Variants in P2RY4 observed in about 807,000 individuals in gnomAD.
P2RY4 encodes the protein pyrimidinergic receptor P2Y4.
For synonymous variants in P2RY4, 121 were observed against 131.6 expected (o/e 0.92, Z 0.55); for missense variants, 291 against 308.5 (o/e 0.94, Z 0.42).
Position 70,258,635 on chromosome X carries a change from C to A in P2RY4, c.990G>T (p.Thr330=). The A allele has an allele frequency of 8.2e-7, 1 of 1,212,130 alleles. No individual in the cohort carries two copies. Among genetic ancestry groups the A allele is most frequent in the Non-Finnish European group, 1.1e-6 (1 of 895,560 alleles). ...LCGGGKPQPR[T]AASSLALVSL... is the part of the protein sequence containing the mutation. ...ACACTAGTGCCAGGGAAGAGGCAGC[C>A]GTGCGGGGCTGGGGCTTGCCACCAC... The change falls in exon 1 of 1, where the codon ACG becomes ACT. Residue 330 remains threonine (T), a synonymous_variant. Coordinates refer to ENST00000374519, the MANE Select transcript of P2RY4 (RefSeq NM_002565.4).
chrX:70,258,384 C>G lies in P2RY4; in HGVS notation c.*143G>C. Reference sequence around the variant, plus strand: ...AGAGATGAGGTCACCCATGATATCCCTGCCTCCCTGCAACCCTCAGGGTGA... The same window carrying G: ...AGAGATGAGGTCACCCATGATATCCGTGCCTCCCTGCAACCCTCAGGGTGA... On this transcript the variant is annotated 3_prime_UTR_variant, in exon 1 of 1. Transcript: ENST00000374519. The G allele has an allele frequency of 1.5e-6, 1 of 663,452 alleles. No homozygotes were observed. Among genetic ancestry groups the G allele is most frequent in the Non-Finnish European group, 2.3e-6 (1 of 434,865 alleles). 54.7% of individuals were successfully genotyped at this position (663,452 alleles called of 1,213,427 possible). A position where few individuals can be genotyped will look rare whatever the true frequency, so the allele number is the denominator to read the frequency against.
Position 70,259,017 on chromosome X carries a change from G to A in P2RY4, c.608C>T (p.Ala203Val), listed in dbSNP as rs775454229. The change falls in exon 1 of 1, where the codon GCG becomes GTG. Residue 203 changes from alanine to valine, a missense_variant. Physicochemically the swap from Ala to Val is moderately conservative, Grantham distance 64. Coordinates refer to ENST00000374519, the MANE Select transcript of P2RY4 (RefSeq NM_002565.4). ...EFDHYVHFSS[A>V]VMGLLFGVPC... ...CACGCCAAAGAGCAGCCCCATGACC[G>A]CCGAGCTGAAGTGCACATAGTGGTC... 8.3e-6 allele frequency: 10 copies of A among 1,210,066 alleles called. No homozygotes were observed. Among genetic ancestry groups the A allele is most frequent in the African/African-American group, 5.2e-5 (3 of 57,312 alleles).
In P2RY4 at chrX:70,259,097, G is replaced by C. The variant is rs139621730; in HGVS notation, c.528C>G (p.Thr176=). 3.8e-4 allele frequency: 462 copies of C among 1,210,090 alleles called. 2 individuals are homozygous for C. Among genetic ancestry groups the C allele is most frequent in the Non-Finnish European group, 4.9e-4 (441 of 895,115 alleles). The stretch of plus-strand genomic sequence containing the variant: ...ACAGGACGGTGGTCCCTTTGTTGCT[G>C]GTTGTGACAAAGAACAGGTTGGGCA... The part of the protein sequence containing the change: ...CLVPNLFFVT[T]SNKGTTVLCH... Residue 176 remains threonine, a synonymous_variant, in exon 1 of 1, where the codon ACC becomes ACG. Coordinates refer to ENST00000374519, the MANE Select transcript of P2RY4 (RefSeq NM_002565.4).
rs373491139 is a variant in P2RY4 at position 70,259,247 on chromosome X, G to C, written c.378C>G (p.Leu126=). ...GGTAGCGGTGCACGCTGATGCAGGT[G>C]AGGAAAAGGACACTGCAGTAGAGGT... ...YWNLYCSVLF[L]TCISVHRYLG... The change falls in exon 1 of 1, where the codon CTC becomes CTG. Residue 126 remains leucine, a synonymous_variant. Transcript: ENST00000374519. The C allele has an allele frequency of 4.4e-5, 53 of 1,211,300 alleles. No homozygotes were observed. The highest frequency in any genetic ancestry group is 5.1e-5 in the Non-Finnish European group (46 of 895,426).
rs746842365 is a variant in P2RY4, at chrX:70,258,995, G to A, written c.630C>T (p.Gly210=). 15 of 1,210,103 alleles carry A rather than the reference G, an allele frequency of 1.2e-5. No homozygotes were observed. Among genetic ancestry groups the A allele is most frequent in the African/African-American group, 1.7e-5 (1 of 57,388 alleles). The change falls in exon 1 of 1, where the codon GGC becomes GGT. Residue 210 remains glycine, a synonymous_variant. Coordinates refer to ENST00000374519, the MANE Select transcript of P2RY4 (RefSeq NM_002565.4). ...FSSAVMGLLF[G]VPCLVTLVCY... Reference sequence around the variant, plus strand: ...AAACAAGAGTGACCAGGCAGGGCACGCCAAAGAGCAGCCCCATGACCGCCG... The same window carrying A: ...AAACAAGAGTGACCAGGCAGGGCACACCAAAGAGCAGCCCCATGACCGCCG...
In P2RY4 at chrX:70,259,634, G is replaced by A. The variant is rs1461293329; in HGVS notation, c.-10C>T. 8.5e-7 allele frequency: 1 copy of A among 1,170,597 alleles called. No individual in the cohort carries two copies. Among genetic ancestry groups the A allele is most frequent in the African/African-American group, 1.8e-5 (1 of 56,988 alleles). On this transcript the variant is annotated 5_prime_UTR_variant, in exon 1 of 1. Transcript: ENST00000374519. ...ACTCTGTACTGGCCATGGCCCCCCT[G>A]GAGATGGGAAGGGGAGAAGTGAGGG...
In P2RY4 at chrX:70,259,444, T is replaced by G. The variant is rs138327932; in HGVS notation, c.181A>C (p.Ile61Leu). ...GLNAPTLWLF[I>L]FRLRPWDATA... ...GCATCCCAGGGTCGGAGGCGGAAGA[T>G]GAAGAGCCATAGGGTTGGGGCGTTA... Residue 61 changes from isoleucine (I) to leucine (L), a missense_variant, in exon 1 of 1, where the codon ATC becomes CTC. Physicochemically the swap from Ile to Leu is conservative, Grantham distance 5. Transcript: ENST00000374519. 8.3e-7 allele frequency: 1 copy of G among 1,211,260 alleles called. No homozygotes were observed. The highest frequency in any genetic ancestry group is 1.7e-5 in the African/African-American group (1 of 57,819).
chrX:70,259,248 A>G lies in P2RY4; in HGVS notation c.377T>C (p.Leu126Pro). 1.6e-6 allele frequency: 2 copies of G among 1,212,412 alleles called. No individual in the cohort carries two copies. The highest frequency in any genetic ancestry group is 2.2e-6 in the Non-Finnish European group (2 of 895,610). ...GTAGCGGTGCACGCTGATGCAGGTG[A>G]GGAAAAGGACACTGCAGTAGAGGTT... ...YWNLYCSVLFLTCISVHRYLG... is the reference protein window; with the variant it reads ...YWNLYCSVLFPTCISVHRYLG... The change falls in exon 1 of 1, where the codon CTC becomes CCC. Residue 126 changes from leucine (L) to proline (P), a missense_variant. Physicochemically the swap from Leu to Pro is moderately conservative, Grantham distance 98. Transcript: ENST00000374519.
Position 70,259,328 on chromosome X carries a change from G to T in P2RY4, c.297C>A (p.Asn99Lys). The change falls in exon 1 of 1, where the codon AAC becomes AAA. Residue 99 changes from asparagine to lysine, a missense_variant. Transcript: ENST00000374519. ...AGATCTCAGTGCCAAAGGGCCAGTG[G>T]TTGTGGGCTGCATAATAGTAGATGA... is the stretch of plus-strand genomic sequence containing the variant. ...PTLIYYYAAH[N>K]HWPFGTEICK... The T allele has an allele frequency of 8.3e-7, 1 of 1,212,091 alleles. No individual in the cohort carries two copies. Among genetic ancestry groups the T allele is most frequent in the Non-Finnish European group, 1.1e-6 (1 of 895,369 alleles).
In P2RY4 at chrX:70,258,833, G is replaced by A; in HGVS notation, c.792C>T (p.Thr264=). 8.3e-7 allele frequency: 1 copy of A among 1,211,580 alleles called. No individual in the cohort carries two copies. The highest frequency in any genetic ancestry group is 1.7e-5 in the African/African-American group (1 of 57,924). ...GCCTGGCCAGGTAGTAAATGGTGCGGGTGATGTGGAAAGGCACGAAGCAGA... is the reference window on the plus strand; with the variant it reads ...GCCTGGCCAGGTAGTAAATGGTGCGAGTGATGTGGAAAGGCACGAAGCAGA... ...FAVCFVPFHI[T]RTIYYLARLL... Residue 264 remains threonine, a synonymous_variant, in exon 1 of 1, where the codon ACC becomes ACT. Transcript: ENST00000374519.
At position 70,259,578 on chromosome X, in the gene P2RY4, G is replaced by T. The variant is rs781633256; in HGVS notation, c.47C>A (p.Pro16Gln). The T allele has an allele frequency of 8.3e-7, 1 of 1,203,314 alleles. No homozygotes were observed. Among genetic ancestry groups the T allele is most frequent in the East Asian group, 3.0e-5 (1 of 33,562 alleles). Reference protein sequence around the residue: ...SSLLRSLGLSPGPGSSEVELD... With the variant: ...SSLLRSLGLSQGPGSSEVELD... ...CTCCACCTCACTGCTGCCAGGACCT[G>T]GGCTGAGGCCTAGGGATCTCAACAG... is the stretch of plus-strand genomic sequence containing the variant. Residue 16 changes from proline (P) to glutamine (Q), a missense_variant, in exon 1 of 1, where the codon CCA becomes CAA. Physicochemically the swap from Pro to Gln is moderately conservative, Grantham distance 76. Transcript: ENST00000374519.
rs201727833 is a variant in P2RY4 at position 70,258,994 on chromosome X, C to A, written c.631G>T (p.Val211Leu). The A allele has an allele frequency of 2.5e-6, 3 of 1,211,575 alleles. No individual in the cohort carries two copies. The East Asian group carries it at 8.9e-5, about 36-fold the overall frequency. The change falls in exon 1 of 1, where the codon GTG becomes TTG. Residue 211 changes from valine to leucine, a missense_variant. Transcript: ENST00000374519. ...CAAACAAGAGTGACCAGGCAGGGCA[C>A]GCCAAAGAGCAGCCCCATGACCGCC... ...SSAVMGLLFG[V>L]PCLVTLVCYG...
Position 70,259,478 on chromosome X carries a change from G to A in P2RY4, c.147C>T (p.Gly49=), listed in dbSNP as rs916198667. The change falls in exon 1 of 1, where the codon GGC becomes GGT. Residue 49 remains glycine, a synonymous_variant. Coordinates refer to ENST00000374519, the MANE Select transcript of P2RY4 (RefSeq NM_002565.4). ...PVSYAVVFVL[G]LGLNAPTLWL... ...ATAGGGTTGGGGCGTTAAGGCCCAA[G>A]CCCAGCACAAAGACAACTGCATAGC... 3 of 1,210,091 alleles carry A rather than the reference G, an allele frequency of 2.5e-6. No homozygotes were observed. Among genetic ancestry groups the A allele is most frequent in the Non-Finnish European group, 3.4e-6 (3 of 894,852 alleles).
Position 70,259,242 on chromosome X carries a change from C to G in P2RY4, c.383G>C (p.Cys128Ser). ...GCCCAGGTAGCGGTGCACGCTGATG[C>G]AGGTGAGGAAAAGGACACTGCAGTA... ...NLYCSVLFLT[C>S]ISVHRYLGIC... Residue 128 changes from cysteine (C) to serine (S), a missense_variant, in exon 1 of 1, where the codon TGC becomes TCC. By Grantham distance (112) the Cys-to-Ser change is moderately radical. Transcript: ENST00000374519. 2 of 1,212,233 alleles carry G rather than the reference C, an allele frequency of 1.6e-6. No homozygotes were observed. The highest frequency in any genetic ancestry group is 1.8e-5 in the South Asian group (1 of 57,020).
At position 70,258,717 on chromosome X, in the gene P2RY4, G is replaced by A. The variant is rs191607709; in HGVS notation, c.908C>T (p.Pro303Leu). Residue 303 changes from proline to leucine, a missense_variant, in exon 1 of 1, where the codon CCT becomes CTT. Physicochemically the swap from Pro to Leu is moderately conservative, Grantham distance 98 (BLOSUM62 -3). Coordinates refer to ENST00000374519, the MANE Select transcript of P2RY4 (RefSeq NM_002565.4). ...PLASANSCLD[P>L]VLYLLTGDKY... ...GTCCCCAGTGAGCAAGTAGAGCACA[G>A]GATCCAGGCAGCTGTTGGCACTGGC... 17 of 1,210,790 alleles carry A rather than the reference G, an allele frequency of 1.4e-5. No homozygotes were observed. The East Asian group carries it at 4.1e-4, about 30-fold the overall frequency.
Position 70,259,464 on chromosome X carries a change from G to T in P2RY4, c.161C>A (p.Ala54Asp), listed in dbSNP as rs1270506250. The change falls in exon 1 of 1, where the codon GCC (alanine) becomes GAC (aspartate). Residue 54 changes from alanine (A) to aspartate (D), a missense_variant. Coordinates refer to ENST00000374519, the MANE Select transcript of P2RY4 (RefSeq NM_002565.4). ...GAAGATGAAGAGCCATAGGGTTGGG[G>T]CGTTAAGGCCCAAGCCCAGCACAAA... Reference protein sequence around the residue: ...VVFVLGLGLNAPTLWLFIFRL... With the variant: ...VVFVLGLGLNDPTLWLFIFRL... The T allele has an allele frequency of 5.0e-6, 6 of 1,211,201 alleles. No individual in the cohort carries two copies. Among genetic ancestry groups the T allele is most frequent in the Admixed American group, 2.2e-5 (1 of 46,088 alleles).
Position 70,258,567 on chromosome X carries a change from T to TG in P2RY4, c.1057dup (p.Gln353ProfsTer4), listed in dbSNP as rs1569216940. Reference sequence around the variant, plus strand: ...CCTAGGAGTAGAGCAGCTACTGTCCTGGGGGGTGGCCGCCCACCTGCAGCT... The same window carrying TG: ...CCTAGGAGTAGAGCAGCTACTGTCCTGGGGGGGTGGCCGCCCACCTGCAGCT... On this transcript the variant is annotated frameshift_variant, in exon 1 of 1. Transcript: ENST00000374519. LOFTEE classifies it low-confidence loss of function (END_TRUNC). The TG allele has an allele frequency of 8.3e-7, 1 of 1,208,138 alleles. No individual in the cohort carries two copies. The highest frequency in any genetic ancestry group is 1.8e-5 in the South Asian group (1 of 56,122).
Position 70,258,517 on chromosome X carries a change from G to C in P2RY4, c.*10C>G. ...TCATCCCCTTTTCTCTCACTTCCCG[G>C]CTTCCCGTGTTACAATCTATCTGCC... On this transcript the variant is annotated 3_prime_UTR_variant, in exon 1 of 1. Transcript: ENST00000374519. 1 of 1,175,041 alleles carries C rather than the reference G, an allele frequency of 8.5e-7. No individual in the cohort carries two copies. The highest frequency in any genetic ancestry group is 1.1e-6 in the Non-Finnish European group (1 of 875,854).
Position 70,259,415 on chromosome X carries a change from C to T in P2RY4, c.210G>A (p.Thr70=), listed in dbSNP as rs766042959. 9.9e-6 allele frequency: 12 copies of T among 1,210,324 alleles called. No individual in the cohort carries two copies. Among genetic ancestry groups the T allele is most frequent in the African/African-American group, 5.2e-5 (3 of 57,444 alleles). Residue 70 remains threonine, a synonymous_variant, in exon 1 of 1, where the codon ACG becomes ACA. Transcript: ENST00000374519. ...FIFRLRPWDA[T]ATYMFHLALS... Reference sequence around the variant, plus strand: ...ATGCCAGGTGGAACATGTAGGTGGCCGTTGCATCCCAGGGTCGGAGGCGGA... The same window carrying T: ...ATGCCAGGTGGAACATGTAGGTGGCTGTTGCATCCCAGGGTCGGAGGCGGA...
Sources: gnomAD v4.1 joint callset for allele counts on GRCh38, gnomAD v4.1.1 for gene constraint, MANE v1.5 for transcripts, NCBI Gene and HGNC (gene_info 2026-07-23, HGNC 2026-07-21) for gene names.